Variants in PPP4R1 observed in about 807,000 individuals in gnomAD.
PPP4R1 encodes the protein protein phosphatase 4 regulatory subunit 1, also known as serine/threonine-protein phosphatase 4 regulatory subunit 1.
In PPP4R1, 42 loss-of-function variants were observed where a neutral mutation model predicts 111.2. That is an observed-to-expected ratio of 0.38 (90% CI 0.29 to 0.49). The LOEUF (loss-of-function observed/expected upper bound fraction) is 0.49. Ranked by LOEUF, PPP4R1 falls within the 20% of genes least tolerant of loss-of-function variation. PPP4R1 has a pLI of 0.97. For missense variants in PPP4R1, 1,012 were observed against 1,161.6 expected (o/e 0.87, Z 1.87); for synonymous variants, 409 against 405.5 (o/e 1.01, Z -0.10).
At chr18:9,572,796 A>G (rs2066882111) in intron 10 of PPP4R1, among the ~76,000 whole-genome samples, 1 of 152,254 alleles carries the variant, frequency 6.6e-6, no homozygotes, top group Non-Finnish European at 1.5e-5. Context: ...GAACAAAAAC[A>G]TACGTAAGTC....
intron 18 of PPP4R1, 85 bp from the exon 19 acceptor site, chr18:9,549,423 C>A: frequency 7.3e-6 from 11 of 1,497,050 alleles, no homozygotes; most frequent in Non-Finnish European, 9.1e-6. Flanking sequence ...TCTGAGTGAC[C>A]ACAGGTACAA....
Position 9,608,418 on chromosome 18 carries a change from A to G in PPP4R1, c.52+5808T>C, listed in dbSNP as rs1285523389. Among the ~76,000 whole-genome samples, 3 of 152,212 alleles carry G rather than the reference A, an allele frequency of 2.0e-5. No individual in the cohort carries two copies. The South Asian group carries it at 6.2e-4, about 31-fold the overall frequency. ...CATGATAGATGCTCAAATACCAACC[A>G]CATTCATATCAATAAGGCCAGAAAG... On this transcript the variant is annotated intron_variant, in intron 2 of 19. Transcript: ENST00000400556.
intron 12 of PPP4R1, among the ~76,000 whole-genome samples, chr18:9,562,690 C>T (rs893181097): frequency 6.6e-6 from 1 of 152,204 alleles, no homozygotes; most frequent in Non-Finnish European, 1.5e-5. Flanking sequence ...CTGCCATCCC[C>T]AGTGTGTGCA....
Position 9,547,581 on chromosome 18 carries a change from A to T in PPP4R1, c.*208T>A, listed in dbSNP as rs1002597596. The T allele has an allele frequency of 4.1e-6, 2 of 484,710 alleles. No individual in the cohort carries two copies. The highest frequency in any genetic ancestry group is 3.8e-5 in the African/African-American group (2 of 52,590). 30.0% of individuals were successfully genotyped at this position (484,710 alleles called of 1,614,324 possible). A position where few individuals can be genotyped will look rare whatever the true frequency, so the allele number is the denominator to read the frequency against. ...CCTCTGAGAAATTATTTCCCCTTAAAGTCAAGATAAGATAATAGTGTTTAC... is the reference window on the plus strand; with the variant it reads ...CCTCTGAGAAATTATTTCCCCTTAATGTCAAGATAAGATAATAGTGTTTAC... On this transcript the variant is annotated 3_prime_UTR_variant, in exon 20 of 20. Coordinates refer to ENST00000400556, the MANE Select transcript of PPP4R1 (RefSeq NM_001042388.3).
At chr18:9,557,490 A>G (rs78552925) in intron 14 of PPP4R1, 108 bp from the exon 15 acceptor site, 17,475 of 991,692 alleles carry the variant, frequency 0.018, 717 homozygotes, top group African/African-American at 0.14. Flanking sequence ...TAACCTCAAA[A>G]AATTAAATCA....
intron 11 of PPP4R1, among the ~76,000 whole-genome samples, chr18:9,569,209 A>G (rs1485425348): frequency 6.6e-6 from 1 of 151,578 alleles, no homozygotes; most frequent in Non-Finnish European, 1.5e-5. Flanking sequence ...AAAAAAAAAA[A>G]GAAGAAAACC....
chr18:9,601,548 T>A (rs908604571), intron 2 of PPP4R1, among the ~76,000 whole-genome samples: 8 of 151,978 alleles, frequency 5.3e-5, no homozygotes, highest in African/African-American at 1.4e-4. Flanking sequence ...ATAATTTTTT[T>A]AAAAAGTGAT....
chr18:9,563,095 T>C (rs1356782126), intron 12 of PPP4R1: 2 of 1,103,056 alleles, frequency 1.8e-6, no homozygotes, highest in African/African-American at 1.6e-5. Flanking sequence ...AAGGGCTTTG[T>C]TTCCAGTAAG....
chr18:9,564,737 T>TGGGGGGGG (rs201070259), intron 11 of PPP4R1, among the ~76,000 whole-genome samples: 1 of 67,980 alleles, frequency 1.5e-5, no homozygotes, highest in Non-Finnish European at 3.2e-5. Context: ...TGTGTGTGTG[T>TGGGGGGGG]GGGGGTATCA....
At position 9,563,531 on chromosome 18, in the gene PPP4R1, G is replaced by T; in HGVS notation, c.1593C>A (p.Ser531=). ...PDVKAQVEVL[S]AALRASSLDA... ...CCAGGCTGGAAGCACGTAGTGCAGC[G>T]GACAGCACTTCCACTTGTGCTACAG... is the stretch of plus-strand genomic sequence containing the variant. Residue 531 remains serine, a synonymous_variant, in exon 12 of 20, where the codon TCC becomes TCA. Transcript: ENST00000400556. 6.3e-7 allele frequency: 1 copy of T among 1,597,072 alleles called. No homozygotes were observed. Among genetic ancestry groups the T allele is most frequent in the Non-Finnish European group, 8.5e-7 (1 of 1,171,564 alleles).
intron 2 of PPP4R1, among the ~76,000 whole-genome samples, chr18:9,606,256 A>ATTTTAT (rs1189544636): frequency 3.3e-5 from 5 of 152,184 alleles, no homozygotes; most frequent in Admixed American, 1.3e-4. Context: ...TAGCACAGTG[A>ATTTTAT]AGGGGTTGGC....
chr18:9,554,665 C>A (rs1417816085), intron 15 of PPP4R1, among the ~76,000 whole-genome samples: 1 of 152,206 alleles, frequency 6.6e-6, no homozygotes, highest in Non-Finnish European at 1.5e-5. Flanking sequence ...GAGCAATGAG[C>A]ACTTCCAGTG....
intron 2 of PPP4R1, among the ~76,000 whole-genome samples, chr18:9,601,677 G>A (rs902219297): frequency 6.6e-6 from 1 of 152,126 alleles, no homozygotes; most frequent in Admixed American, 6.5e-5. Flanking sequence ...ATTTTTAGAA[G>A]AGACGGGGTT....
chr18:9,559,624 C>T lies in PPP4R1; in HGVS notation c.1843-20G>A, dbSNP rs1180616971. 2.0e-6 allele frequency: 3 copies of T among 1,533,734 alleles called. No individual in the cohort carries two copies. The highest frequency in any genetic ancestry group is 2.7e-6 in the Non-Finnish European group (3 of 1,130,644). ...AACATCCTAATGGAGAAAGAGAAAC[C>T]ACAGTGACTGAGCAGCTGAGATGCA... On this transcript the variant is annotated intron_variant, in intron 13 of 19. Coordinates refer to ENST00000400556, the MANE Select transcript of PPP4R1 (RefSeq NM_001042388.3).
In PPP4R1 at chr18:9,591,292, A is replaced by G. The variant is rs149305864; in HGVS notation, c.296-2439T>C. Reference sequence around the variant, plus strand: ...AACCCAGGAGAAGAAGGTTGTAGTGAGCCAAGGTCATGCCACCACACTCCA... The same window carrying G: ...AACCCAGGAGAAGAAGGTTGTAGTGGGCCAAGGTCATGCCACCACACTCCA... On this transcript the variant is annotated intron_variant, in intron 4 of 19. Coordinates refer to ENST00000400556, the MANE Select transcript of PPP4R1 (RefSeq NM_001042388.3). Among the ~76,000 whole-genome samples, 300 of 151,882 alleles carry G rather than the reference A, an allele frequency of 2.0e-3. 5 individuals carry two copies. The highest frequency in any genetic ancestry group is 6.9e-3 in the African/African-American group (287 of 41,432).
At chr18:9,606,581 T>G (rs1226705766) in intron 2 of PPP4R1, among the ~76,000 whole-genome samples, 1 of 152,142 alleles carries the variant, frequency 6.6e-6, no homozygotes, top group Non-Finnish European at 1.5e-5. Flanking sequence ...TACTAAAAGC[T>G]TACTAAATCC....
intron 11 of PPP4R1, chr18:9,563,851 G>C (rs1178551398): frequency 5.9e-5 from 12 of 204,334 alleles, no homozygotes. Context: ...ATTAAAAGGA[G>C]TCAATTTCAG....
At chr18:9,574,045 A>T (rs1360894692) in intron 10 of PPP4R1, among the ~76,000 whole-genome samples, 1 of 152,220 alleles carries the variant, frequency 6.6e-6, no homozygotes, top group Non-Finnish European at 1.5e-5. Context: ...AGTCAATACA[A>T]AATCAAGCTG....
Position 9,563,469 on chromosome 18 carries a change from C to A in PPP4R1, c.1655G>T (p.Ser552Ile). The A allele has an allele frequency of 6.2e-7, 1 of 1,607,202 alleles. No homozygotes were observed. ...HEETISIEKR[S>I]DLQDELDINE... is the part of the protein sequence containing the mutation. The stretch of plus-strand genomic sequence containing the variant: ...TATATCCAGTTCATCTTGCAAATCA[C>A]TTCTCTTTTCTATACTGATGGTCTC... Residue 552 changes from serine to isoleucine, a missense_variant, in exon 12 of 20, where the codon AGT becomes ATT. Transcript: ENST00000400556.
Sources: gnomAD v4.1 joint callset for allele counts (sites outside exome capture counted in the v4.1 genomes callset) on GRCh38, gnomAD v4.1.1 for gene constraint, MANE v1.5 for transcripts, NCBI Gene and HGNC (gene_info 2026-07-23, HGNC 2026-07-21) for gene names.